The following EGF variants were observed in gnomAD, a reference collection of about 807,000 sequenced individuals.
EGF encodes pro-epidermal growth factor.
In EGF, 95 loss-of-function variants were observed where a neutral mutation model predicts 143.8. The ratio of observed to expected loss-of-function variants is 0.66; its 90% CI spans 0.56 to 0.78. The LOEUF is 0.78. Among genes scored for constraint, EGF ranks in the 30% least tolerant of loss-of-function variants. The pLI is 0.00. For missense variants in EGF, 1,320 were observed against 1,470.9 expected, an observed-to-expected ratio of 0.90 and a Z score of 1.68; for synonymous variants, 510 against 510.5, an observed-to-expected ratio of 1.00 and a Z score of 0.01.
chr4:109,929,216 A>G (rs1238528317), intron 1 of EGF, among the ~76,000 whole-genome samples: 2 of 152,194 alleles, frequency 1.3e-5, no homozygotes, highest in South Asian at 2.1e-4. Flanking sequence ...TTTAAAAGCT[A>G]GGGTCTGTGT....
intron 1 of EGF, among the ~76,000 whole-genome samples, chr4:109,937,972 A>G (rs1741154805): frequency 6.6e-6 from 1 of 152,062 alleles, no homozygotes; most frequent in Non-Finnish European, 1.5e-5. Flanking sequence ...ACCTTGGTGA[A>G]TCTGAAAATT....
intron 16 of EGF, among the ~76,000 whole-genome samples, chr4:109,986,451 G>A (rs1485498632): frequency 6.6e-6 from 1 of 152,144 alleles, no homozygotes; most frequent in African/African-American, 2.4e-5. Context: ...AAGCATGAAA[G>A]GCATCTGCTC....
intron 1 of EGF, among the ~76,000 whole-genome samples, chr4:109,935,424 A>T (rs920181860): frequency 6.6e-6 from 1 of 152,214 alleles, no homozygotes; most frequent in Non-Finnish European, 1.5e-5. Flanking sequence ...AGTTTGCTGA[A>T]GTTGCCTATC....
chr4:109,943,643 C>G (rs1260608252), intron 3 of EGF, among the ~76,000 whole-genome samples, 199 bp from the exon 4 acceptor site: 1 of 152,168 alleles, frequency 6.6e-6, no homozygotes, highest in Non-Finnish European at 1.5e-5. Context: ...TCATGGTTTT[C>G]TGCTATAGAG....
At chr4:109,997,733 C>A (rs932432990) in intron 20 of EGF, among the ~76,000 whole-genome samples, 2 of 152,084 alleles carry the variant, frequency 1.3e-5, no homozygotes, top group Non-Finnish European at 2.9e-5. Flanking sequence ...TATGGTGGTA[C>A]ACATCTGTAT....
At chr4:109,979,853 G>C (rs1749067485) in intron 13 of EGF, 119 bp from the exon 14 acceptor site, 2 of 1,232,470 alleles carry the variant, frequency 1.6e-6, no homozygotes, top group African/African-American at 1.5e-5. Flanking sequence ...ATAACTTGCT[G>C]AGTAGCTAAA....
intron 18 of EGF, among the ~76,000 whole-genome samples, chr4:109,990,604 T>C (rs931701240): frequency 6.6e-6 from 1 of 152,144 alleles, no homozygotes; most frequent in Non-Finnish European, 1.5e-5. Context: ...TAACAAAATA[T>C]CCTAGACTGG....
intron 15 of EGF, among the ~76,000 whole-genome samples, chr4:109,982,197 C>A (rs1011053233): frequency 1.3e-5 from 2 of 151,544 alleles, no homozygotes; most frequent in Admixed American, 6.6e-5. Flanking sequence ...TTTGTAGAGA[C>A]AAGGTCATGC....
At chr4:109,994,257 A>C (rs955836178) in intron 19 of EGF, among the ~76,000 whole-genome samples, 2 of 152,062 alleles carry the variant, frequency 1.3e-5, no homozygotes, top group Non-Finnish European at 2.9e-5. Flanking sequence ...GCTCCTCTGA[A>C]GGTTAGTTTT....
intron 23 of EGF, among the ~76,000 whole-genome samples, chr4:110,009,893 C>T (rs1426991245): frequency 6.6e-6 from 1 of 152,134 alleles, no homozygotes; most frequent in Non-Finnish European, 1.5e-5. Flanking sequence ...AGAGTACATG[C>T]TAGGGGCAGC....
intron 20 of EGF, among the ~76,000 whole-genome samples, chr4:109,999,378 T>C (rs1035872089): frequency 1.4e-4 from 21 of 152,202 alleles, no homozygotes; most frequent in Non-Finnish European, 2.8e-4. Context: ...AAAAGGTGGC[T>C]CCTCAGGATT....
At chr4:109,945,461 G>C (rs982047133) in intron 5 of EGF, among the ~76,000 whole-genome samples, 186 bp downstream of exon 5, 7 of 152,106 alleles carry the variant, frequency 4.6e-5, no homozygotes, top group African/African-American at 1.7e-4. Flanking sequence ...AGAAGGCCAG[G>C]CATGGTGGCT....
At chr4:109,980,803 A>T (rs1749237475) in intron 14 of EGF, 23 bp from the exon 15 acceptor site, 15 of 1,613,848 alleles carry the variant, frequency 9.3e-6, no homozygotes, top group Non-Finnish European at 1.3e-5. Context: ...CCCACTTGTG[A>T]ATTTGTTTCT....
At chr4:110,006,281 G>C (rs1449225820) in intron 22 of EGF, among the ~76,000 whole-genome samples, 1 of 151,376 alleles carries the variant, frequency 6.6e-6, no homozygotes. Flanking sequence ...AGAGTTCAAG[G>C]TTGCAGTGAG....
At chr4:109,939,535 C>T (rs537701850) in intron 1 of EGF, among the ~76,000 whole-genome samples, 6 of 152,340 alleles carry the variant, frequency 3.9e-5, no homozygotes, top group African/African-American at 7.2e-5. Flanking sequence ...GCTGGCCCTC[C>T]GTGGGCTGCA....
Position 109,933,161 on chromosome 4 carries a change from G to A in EGF, c.128-7785G>A, listed in dbSNP as rs183262978. Among the ~76,000 whole-genome samples, 30 of 152,284 alleles carry A rather than the reference G, an allele frequency of 2.0e-4. 1 individual carries two copies. In the East Asian group the frequency reaches 3.9e-3, roughly 20 times the overall value. On this transcript the variant is annotated intron_variant, in intron 1 of 23. Coordinates refer to ENST00000265171, the MANE Select transcript of EGF (RefSeq NM_001963.6). ...GATCCTGTGAGATGTCCAGAGAAGC[G>A]AAGCTGGTGGGGTCAGGACTGGAAA...
intron 1 of EGF, among the ~76,000 whole-genome samples, chr4:109,929,076 G>C (rs981367564): frequency 2.0e-5 from 3 of 152,164 alleles, no homozygotes; most frequent in Non-Finnish European, 4.4e-5. Context: ...ATGGAAGATG[G>C]ATGTAGGGAA....
chr4:109,948,078 A>G (rs72676952), intron 5 of EGF, among the ~76,000 whole-genome samples: 6 of 152,350 alleles, frequency 3.9e-5, no homozygotes, highest in Non-Finnish European at 5.9e-5. Context: ...GATAACTGAA[A>G]GCATGAATTT....
At chr4:109,990,130 TAA>T (rs1427135887) in intron 18 of EGF, among the ~76,000 whole-genome samples, 1 of 152,178 alleles carries the variant, frequency 6.6e-6, no homozygotes, top group African/African-American at 2.4e-5. Context: ...CAGGAACTCA[TAA>T]AAGAGTCAGT....
Sources: allele counts gnomAD v4.1 joint callset (sites outside exome capture counted in the v4.1 genomes callset), GRCh38; gene constraint gnomAD v4.1.1; transcripts MANE v1.5; gene names NCBI Gene and HGNC (gene_info 2026-07-23, HGNC 2026-07-21).